The following RORA variants were observed in gnomAD, a reference collection of about 807,000 sequenced individuals.
RORA encodes the protein nuclear receptor ROR-alpha.
A neutral mutation model predicts 69.5 loss-of-function variants in RORA; 7 were observed. The ratio of observed to expected loss-of-function variants is 0.10; its 90% CI spans 0.06 to 0.19. The LOEUF (loss-of-function observed/expected upper bound fraction) is 0.19. Among genes scored for constraint, RORA ranks in the 10% least tolerant of loss-of-function variants. RORA has a pLI of 1.00. For missense variants in RORA, 457 were observed against 663.0 expected (o/e 0.69, Z 3.41); for synonymous variants, 261 against 240.8 (o/e 1.08, Z -0.78).
intron 1 of RORA, among the ~76,000 whole-genome samples, chr15:61,063,807 C>T (rs2078219734): frequency 6.6e-6 from 1 of 152,114 alleles, no homozygotes; most frequent in Non-Finnish European, 1.5e-5. Context: ...ATTTAAAATT[C>T]CCAAATCAGG....
chr15:61,106,703 C>G (rs773560151), intron 1 of RORA, among the ~76,000 whole-genome samples: 1 of 152,234 alleles, frequency 6.6e-6, no homozygotes, highest in Non-Finnish European at 1.5e-5. Context: ...ATACAGTCAT[C>G]TCTACTTGCA....
chr15:60,510,802 T>C (rs907104114), intron 5 of RORA, among the ~76,000 whole-genome samples: 1 of 152,114 alleles, frequency 6.6e-6, no homozygotes, highest in Non-Finnish European at 1.5e-5. Flanking sequence ...TAGCAACTGA[T>C]TCAAAAATTT....
chr15:60,510,419 C>G (rs1476497860), intron 5 of RORA: 1 of 152,178 alleles, frequency 6.6e-6, no homozygotes, highest in Non-Finnish European at 1.5e-5. Flanking sequence ...TCACATCTCC[C>G]AAGAAGCAGT....
intron 1 of RORA, among the ~76,000 whole-genome samples, chr15:61,120,855 A>ATT (rs1168116763): frequency 6.7e-6 from 1 of 149,540 alleles, no homozygotes; most frequent in African/African-American, 2.5e-5. Context: ...TTTTTTTATT[A>ATT]TTTTTTTTTT....
chr15:60,818,201 ATTGCAGTTT>A (rs1169980842), intron 1 of RORA, among the ~76,000 whole-genome samples: 1 of 152,162 alleles, frequency 6.6e-6, no homozygotes, highest in Non-Finnish European at 1.5e-5. Flanking sequence ...TGCAAAAGTT[ATTGCAGTTT>A]TTGCTATTAC....
rs781730120 is a variant in RORA at position 60,531,727 on chromosome 15, C to T, written c.282+39G>A. 2 of 1,130,834 alleles carry T rather than the reference C, an allele frequency of 1.8e-6. No homozygotes were observed. Among genetic ancestry groups the T allele is most frequent in the Admixed American group, 4.3e-5 (2 of 46,852 alleles). 70.1% of individuals were successfully genotyped at this position (1,130,834 alleles called of 1,614,324 possible). A position where few individuals can be genotyped will look rare whatever the true frequency, so the allele number is the denominator to read the frequency against. ...TACAAATCACAAAGATATATTCTAA[C>T]AAACATTAATAGAAACAACAACAAT... On this transcript the variant is annotated intron_variant, in intron 3 of 10. Coordinates refer to ENST00000335670, the MANE Select transcript of RORA (RefSeq NM_134261.3). This position sits in a 1 kb window ranked among gnomAD's most constrained non-coding sequence, Gnocchi z 4.8.
At chr15:61,171,590 T>C (rs558549435) in intron 1 of RORA, among the ~76,000 whole-genome samples, 1 of 152,172 alleles carries the variant, frequency 6.6e-6, no homozygotes, top group Non-Finnish European at 1.5e-5. Flanking sequence ...ACTCCACTTC[T>C]GGACTTCTGC....
intron 1 of RORA, among the ~76,000 whole-genome samples, chr15:60,761,142 G>A (rs2071882032): frequency 6.6e-6 from 1 of 152,074 alleles, no homozygotes; most frequent in African/African-American, 2.4e-5. Flanking sequence ...ACCAACTTCT[G>A]CAGATTCCAT....
At chr15:61,010,991 C>T (rs1237132027) in intron 1 of RORA, among the ~76,000 whole-genome samples, 1 of 152,138 alleles carries the variant, frequency 6.6e-6, no homozygotes, top group East Asian at 1.9e-4. Flanking sequence ...ACCTAAACAT[C>T]GTGTAAGGCT....
In RORA at chr15:61,002,847, T is replaced by C. The variant is rs1266318687; in HGVS notation, c.166+226206A>G. ...TAAGTCACTTGAAAATACAAGGACA[T>C]AGGGCCGGGCATGGTGGCTCACGCC... On this transcript the variant is annotated intron_variant, in intron 1 of 10. Coordinates refer to ENST00000335670, the MANE Select transcript of RORA (RefSeq NM_134261.3). Among the ~76,000 whole-genome samples, 3 of 151,864 alleles carry C rather than the reference T, an allele frequency of 2.0e-5. No homozygotes were observed. In the East Asian group the frequency reaches 5.8e-4, roughly 29 times the overall value.
chr15:60,672,978 A>G (rs899829722), intron 2 of RORA, among the ~76,000 whole-genome samples: 2 of 152,192 alleles, frequency 1.3e-5, no homozygotes, highest in Admixed American at 1.3e-4. Context: ...GCATTTATCA[A>G]GTATGTAATA....
chr15:60,659,122 G>T (rs2070265523), intron 2 of RORA, among the ~76,000 whole-genome samples: 1 of 152,186 alleles, frequency 6.6e-6, no homozygotes, highest in African/African-American at 2.4e-5. Context: ...TAAAAGAAAA[G>T]ATAATTTGGG....
At chr15:61,188,197 G>A (rs2079762691) in intron 1 of RORA, among the ~76,000 whole-genome samples, 1 of 152,132 alleles carries the variant, frequency 6.6e-6, no homozygotes, top group Non-Finnish European at 1.5e-5. Context: ...TGGGAGTGGG[G>A]ATAGGGAAAC....
At chr15:60,974,235 G>A (rs530610819) in intron 1 of RORA, among the ~76,000 whole-genome samples, 2 of 152,230 alleles carry the variant, frequency 1.3e-5, no homozygotes, top group East Asian at 3.9e-4. Context: ...GTCCTCTAAT[G>A]AGCTTAGGTT....
At position 60,543,170 on chromosome 15, in the gene RORA, CTTTTTTTTTTTTTTTTTTTTTTTT is replaced by C. The variant is rs200401959; in HGVS notation, c.197-11343_197-11320del. 2.5e-4 allele frequency among the ~76,000 whole-genome samples: 31 copies of C among 125,410 alleles called. 1 individual carries two copies. Among genetic ancestry groups the C allele is most frequent in the African/African-American group, 8.8e-4 (22 of 24,876 alleles). The allele number at this position is 125,410 out of a possible 152,430, so 82.3% of individuals were successfully genotyped here. On this transcript the variant is annotated intron_variant, in intron 2 of 10. Coordinates refer to ENST00000335670, the MANE Select transcript of RORA (RefSeq NM_134261.3). The stretch of plus-strand genomic sequence containing the variant: ...TAGGAATTAAGGATGAAAGTGAAAA[CTTTTTTTTTTTTTTTTTTTTTTTT>C]TTTTTTTTTTTTTTTTTTAAGGAAA...
chr15:61,061,051 G>A lies in RORA; in HGVS notation c.166+168002C>T, dbSNP rs1411194739. On this transcript the variant is annotated intron_variant, in intron 1 of 10. Coordinates refer to ENST00000335670, the MANE Select transcript of RORA (RefSeq NM_134261.3). This position sits in a 1 kb window ranked among gnomAD's most constrained non-coding sequence, Gnocchi z 4.4. ...CTGCTGTTCTTCCTCCCTGGAATTT[G>A]GCATTAAAGGGCATTGCAAGGGCTG... Among the ~76,000 whole-genome samples the A allele has an allele frequency of 2.0e-5, 3 of 152,122 alleles. No homozygotes were observed. The highest frequency in any genetic ancestry group is 7.2e-5 in the African/African-American group (3 of 41,434).
chr15:60,846,328 AAAT>A (rs1221843631), intron 1 of RORA, among the ~76,000 whole-genome samples: 1 of 152,172 alleles, frequency 6.6e-6, no homozygotes, highest in African/African-American at 2.4e-5. Flanking sequence ...GGTACTGTAT[AAAT>A]ATTTATTAAT....
chr15:61,032,549 T>C (rs965328250), intron 1 of RORA, among the ~76,000 whole-genome samples: 2 of 152,170 alleles, frequency 1.3e-5, no homozygotes, highest in African/African-American at 4.8e-5. Context: ...CACATGACAA[T>C]CATATGGAGT....
intron 1 of RORA, among the ~76,000 whole-genome samples, chr15:60,846,262 C>A (rs866682104): frequency 6.6e-6 from 1 of 152,184 alleles, no homozygotes; most frequent in Admixed American, 6.5e-5. Context: ...CACATTGGTG[C>A]CCGTACTGTG....
Sources: gnomAD v4.1 joint callset for allele counts (sites outside exome capture counted in the v4.1 genomes callset) on GRCh38, gnomAD v4.1.1 for gene constraint, Gnocchi (gnomAD v3.1) non-coding constraint, MANE v1.5 for transcripts, NCBI Gene and HGNC (gene_info 2026-07-23, HGNC 2026-07-21) for gene names.